The following SLC9B2 variants were observed in gnomAD, a reference collection of about 807,000 sequenced individuals.
SLC9B2 encodes the protein sodium/hydrogen exchanger 9B2.
Under a neutral mutation model 52.2 loss-of-function variants are expected in SLC9B2, and 39 were observed. That is an observed-to-expected ratio of 0.75 (90% CI 0.58 to 0.98). SLC9B2 has a LOEUF of 0.98. Ranked by LOEUF, SLC9B2 falls within the 50% of genes least tolerant of loss-of-function variation. SLC9B2 has a pLI of 0.00. For synonymous variants in SLC9B2, 214 were observed against 227.0 expected (o/e 0.94, Z 0.51); for missense variants, 626 against 637.5 (o/e 0.98, Z 0.19).
intron 7 of SLC9B2, among the ~76,000 whole-genome samples, chr4:103,045,618 G>C (rs113882939): frequency 3.9e-5 from 6 of 151,940 alleles, no homozygotes; most frequent in Non-Finnish European, 7.4e-5. Context: ...CGTAGTTGGT[G>C]GGGGGGTGGG....
chr4:103,026,356 CT>C lies in SLC9B2; in HGVS notation c.*13del, dbSNP rs747468920. On this transcript the variant is annotated 3_prime_UTR_variant, in exon 12 of 12. Transcript: ENST00000394785. ...CTTTCTAAACATTATGTTCAGCACT[CT>C]CTCTTTTCACCTCTAAACTTGCACA... 1 of 1,591,266 alleles carries C rather than the reference CT, an allele frequency of 6.3e-7. No individual in the cohort carries two copies.
At chr4:103,034,848 A>T (rs1444320291) in intron 9 of SLC9B2, among the ~76,000 whole-genome samples, 1 of 152,182 alleles carries the variant, frequency 6.6e-6, no homozygotes, top group Non-Finnish European at 1.5e-5. Context: ...TGGGTGACCA[A>T]ATGTCAAAGG....
chr4:103,050,494 C>T, intron 4 of SLC9B2, 112 bp from the exon 5 acceptor site: 16 of 983,554 alleles, frequency 1.6e-5, no homozygotes, highest in Non-Finnish European at 2.0e-5. Context: ...TTCACTTATG[C>T]TTAGAAGAAA....
intron 3 of SLC9B2, among the ~76,000 whole-genome samples, chr4:103,060,540 T>C (rs1175927519): frequency 8.3e-6 from 1 of 120,770 alleles, no homozygotes; most frequent in Non-Finnish European, 1.7e-5. Context: ...TTTTTTTGTT[T>C]GTTTTTTTTT....
chr4:103,069,618 A>G (rs762103877), intron 1 of SLC9B2, among the ~76,000 whole-genome samples: 1 of 152,152 alleles, frequency 6.6e-6, no homozygotes, highest in Non-Finnish European at 1.5e-5. Flanking sequence ...AGTCACCTCA[A>G]CCTTGAAGAA....
At chr4:103,075,402 G>A (rs1453627280) in intron 1 of SLC9B2, among the ~76,000 whole-genome samples, 1 of 152,118 alleles carries the variant, frequency 6.6e-6, no homozygotes, top group Non-Finnish European at 1.5e-5. Context: ...TGCCCACCTC[G>A]GCCTCACAAA....
chr4:103,055,625 C>T (rs935622930), intron 4 of SLC9B2, among the ~76,000 whole-genome samples: 12 of 151,760 alleles, frequency 7.9e-5, no homozygotes, highest in Non-Finnish European at 1.3e-4. Context: ...GTTAGCGAAT[C>T]CTGATTGTTC....
At chr4:103,045,766 C>T (rs1157225039) in intron 7 of SLC9B2, among the ~76,000 whole-genome samples, 2 of 152,128 alleles carry the variant, frequency 1.3e-5, no homozygotes, top group African/African-American at 4.8e-5. Context: ...GCTGTGGTTC[C>T]TATTCCAAGC....
chr4:103,052,110 T>C (rs1744739459), intron 4 of SLC9B2, among the ~76,000 whole-genome samples: 1 of 152,250 alleles, frequency 6.6e-6, no homozygotes, highest in Non-Finnish European at 1.5e-5. Context: ...CACAGCCTTT[T>C]TGGCACCAGG....
intron 9 of SLC9B2, among the ~76,000 whole-genome samples, chr4:103,035,028 A>G (rs1216408969): frequency 6.6e-6 from 1 of 152,198 alleles, no homozygotes; most frequent in African/African-American, 2.4e-5. Context: ...CAGGTTTGTT[A>G]CATAGGTAAA....
At chr4:103,065,784 A>G (rs1442781028) in intron 3 of SLC9B2, 1 of 152,252 alleles carries the variant, frequency 6.6e-6, no homozygotes, top group African/African-American at 2.4e-5. Context: ...AGACAAACAT[A>G]TACAAGCCTA....
At chr4:103,057,260 A>ATATATGTATATATATATATGTATGTG (rs1745215271) in intron 4 of SLC9B2, among the ~76,000 whole-genome samples, 12 of 147,722 alleles carry the variant, frequency 8.1e-5, no homozygotes, top group African/African-American at 3.0e-4. Context: ...ATATATATAT[A>ATATATGTATATATATATATGTATGTG]TATATATATA....
chr4:103,025,198 T>C lies in SLC9B2; in HGVS notation c.*1172A>G, dbSNP rs1029852989. ...CTTCCTCAAAAATAAATTGCTATAC[T>C]TGCATTTTCCTTGAGAGATAGAATG... On this transcript the variant is annotated 3_prime_UTR_variant, in exon 12 of 12. Coordinates refer to ENST00000394785, the MANE Select transcript of SLC9B2 (RefSeq NM_178833.7). 2.0e-5 allele frequency among the ~76,000 whole-genome samples: 3 copies of C among 152,196 alleles called. No homozygotes were observed. Among genetic ancestry groups the C allele is most frequent in the African/African-American group, 7.2e-5 (3 of 41,440 alleles).
At chr4:103,053,702 C>CTTT in intron 4 of SLC9B2, among the ~76,000 whole-genome samples, 1 of 146,460 alleles carries the variant, frequency 6.8e-6, no homozygotes, top group Non-Finnish European at 1.5e-5. Flanking sequence ...TAGGCATCAG[C>CTTT]TTTTTTTTTT....
At position 103,023,298 on chromosome 4, in the gene SLC9B2, C is replaced by T. The variant is rs1319743656; in HGVS notation, c.*3072G>A. ...CATAGGGAGCTGATTTAATAAGAGACAAACATGTAAATAAAGTGAAAAAAA... is the reference window on the plus strand; with the variant it reads ...CATAGGGAGCTGATTTAATAAGAGATAAACATGTAAATAAAGTGAAAAAAA... On this transcript the variant is annotated 3_prime_UTR_variant, in exon 12 of 12. Transcript: ENST00000394785. 2.6e-5 allele frequency among the ~76,000 whole-genome samples: 4 copies of T among 152,024 alleles called. No homozygotes were observed. The highest frequency in any genetic ancestry group is 4.4e-5 in the Non-Finnish European group (3 of 68,010).
In SLC9B2 at chr4:103,034,917, A is replaced by C. The variant is rs183901276; in HGVS notation, c.1147-3109T>G. 2.3e-3 allele frequency among the ~76,000 whole-genome samples: 344 copies of C among 152,248 alleles called. 2 individuals carry two copies. The highest frequency in any genetic ancestry group is 7.8e-3 in the African/African-American group (322 of 41,526). On this transcript the variant is annotated intron_variant, in intron 9 of 11. Coordinates refer to ENST00000394785, the MANE Select transcript of SLC9B2 (RefSeq NM_178833.7). ...TTTTTTGAATATTTGAGCTTGTGGA[A>C]GTAAACTGCGTGACCAAATGTCAAA...
At chr4:103,039,787 T>C (rs1368812135) in intron 9 of SLC9B2, among the ~76,000 whole-genome samples, 2 of 151,386 alleles carry the variant, frequency 1.3e-5, no homozygotes, top group South Asian at 2.1e-4. Context: ...GCTGGGACTA[T>C]AGGCGCATAC....
rs886751923 is a variant in SLC9B2 at position 103,076,620 on chromosome 4, G to C, written c.-479C>G. On this transcript the variant is annotated 5_prime_UTR_variant, in exon 1 of 12. Coordinates refer to ENST00000394785, the MANE Select transcript of SLC9B2 (RefSeq NM_178833.7). Reference sequence around the variant, plus strand: ...GGCCCACGTCCCGGGGCCTCGGAGCGGCACCGCGCGGTCTTTCAGCTGCTT... The same window carrying C: ...GGCCCACGTCCCGGGGCCTCGGAGCCGCACCGCGCGGTCTTTCAGCTGCTT... The C allele has an allele frequency of 9.9e-5, 15 of 152,284 alleles. No individual in the cohort carries two copies. Among genetic ancestry groups the C allele is most frequent in the African/African-American group, 2.9e-4 (12 of 41,466 alleles). The allele number at this position is 152,284 out of a possible 1,614,324, so 9.4% of individuals were successfully genotyped here. A position where few individuals can be genotyped will look rare whatever the true frequency, so the allele number is the denominator to read the frequency against.
chr4:103,050,116 T>G, intron 5 of SLC9B2, 124 bp downstream of exon 5: 1 of 868,306 alleles, frequency 1.2e-6, no homozygotes, highest in Non-Finnish European at 1.6e-6. Flanking sequence ...AATTCTATTT[T>G]ATTCTCAAGA....
Sources: gnomAD v4.1 joint callset for allele counts (sites outside exome capture counted in the v4.1 genomes callset) on GRCh38, gnomAD v4.1.1 for gene constraint, MANE v1.5 for transcripts, NCBI Gene and HGNC (gene_info 2026-07-23, HGNC 2026-07-21) for gene names.